The following NKIRAS1 variants were observed in gnomAD, a reference collection of about 807,000 sequenced individuals.
The protein encoded by NKIRAS1 is NF-kappa-B inhibitor-interacting Ras-like protein 1.
NKIRAS1 carries 16 observed loss-of-function variants against 19.8 expected under a neutral mutation model. The ratio of observed to expected loss-of-function variants is 0.81; its 90% confidence interval spans 0.55 to 1.23. The LOEUF (loss-of-function observed/expected upper bound fraction) is 1.23, where lower values mean the gene tolerates loss of function less well. NKIRAS1 is among the 50% of genes most tolerant of loss of function. NKIRAS1 has a pLI of 0.00. For synonymous variants in NKIRAS1, 88 were observed against 79.0 expected (o/e 1.11, Z -0.61); for missense variants, 184 against 220.0 (o/e 0.84, Z 1.04).
rs1701389678 is a variant in NKIRAS1 at position 23,890,670 on chromosome 3, A to G, written c.*2425T>C. ...AGAAGAGAGCTGCTTATGATTTTGA[A>G]GGGGTCAGGGAGGGTGGGAGTTGGT... On this transcript the variant is annotated 3_prime_UTR_variant, in exon 5 of 5. Transcript: ENST00000425478. 4.1e-6 allele frequency: 4 copies of G among 966,400 alleles called. No individual in the cohort carries two copies. The highest frequency in any genetic ancestry group is 3.1e-6 in the Non-Finnish European group (2 of 650,676). The allele number at this position is 966,400 out of a possible 1,614,324, so 59.9% of individuals were successfully genotyped here.
chr3:23,943,176 C>T (rs1705539677), intron 1 of NKIRAS1, among the ~76,000 whole-genome samples: 1 of 152,192 alleles, frequency 6.6e-6, no homozygotes, highest in Admixed American at 6.5e-5. Flanking sequence ...TCTATTCATC[C>T]CTCCTTCCCC....
upstream of NKIRAS1, chr3:23,918,966 G>A (rs565248967): frequency 3.7e-5 from 21 of 569,642 alleles, no homozygotes; most frequent in Non-Finnish European, 5.6e-5. Flanking sequence ...CCCTAGTCAG[G>A]AATGGAGTAT....
chr3:23,908,561 T>C (rs1703305315), intron 3 of NKIRAS1, among the ~76,000 whole-genome samples: 1 of 151,880 alleles, frequency 6.6e-6, no homozygotes, highest in Non-Finnish European at 1.5e-5. Context: ...AAAAAGTAAA[T>C]CAATGCCACC....
chr3:23,941,430 T>C (rs2125271810), intron 1 of NKIRAS1, among the ~76,000 whole-genome samples: 1 of 152,324 alleles, frequency 6.6e-6, no homozygotes, highest in Middle Eastern at 3.4e-3. Flanking sequence ...TCCTAGAAAG[T>C]AATTTGCATT....
chr3:23,940,064 C>T (rs891744468), intron 1 of NKIRAS1, among the ~76,000 whole-genome samples: 1 of 150,104 alleles, frequency 6.7e-6, no homozygotes, highest in Non-Finnish European at 1.5e-5. Context: ...GGTGCGTAGG[C>T]TCACACCTGT....
chr3:23,915,946 A>G (rs1704333331), intron 1 of NKIRAS1: 1 of 152,080 alleles, frequency 6.6e-6, no homozygotes, highest in Admixed American at 6.6e-5. Context: ...AACCCAAAAC[A>G]CAGCTTACTT....
At chr3:23,912,817 T>A (rs1703897267) in intron 1 of NKIRAS1, among the ~76,000 whole-genome samples, 1 of 151,884 alleles carries the variant, frequency 6.6e-6, no homozygotes, top group African/African-American at 2.4e-5. Context: ...ATAGACTGGA[T>A]TAAGAAAATA....
In NKIRAS1 at chr3:23,890,628, CATT is replaced by C. The variant is rs1559497979; in HGVS notation, c.*2464_*2466del. 2.5e-6 allele frequency: 4 copies of C among 1,588,178 alleles called. No homozygotes were observed. The African/African-American group carries it at 5.4e-5, about 21-fold the overall frequency. ...ATAAATTGGGGTTTCACAATTCTTA[CATT>C]ATTTGTCTGTCACAGAAGAGAGCTG... On this transcript the variant is annotated 3_prime_UTR_variant, in exon 5 of 5. Coordinates refer to ENST00000425478, the MANE Select transcript of NKIRAS1 (RefSeq NM_020345.4).
At chr3:23,929,178 G>A (rs1359854535) in intron 1 of NKIRAS1, among the ~76,000 whole-genome samples, 2 of 151,650 alleles carry the variant, frequency 1.3e-5, no homozygotes, top group Non-Finnish European at 2.9e-5. Context: ...CCCGGTCAAC[G>A]TGGTAAAACC....
chr3:23,929,207 C>CA (rs1193798077), intron 1 of NKIRAS1, among the ~76,000 whole-genome samples: 1 of 150,674 alleles, frequency 6.6e-6, no homozygotes, highest in Non-Finnish European at 1.5e-5. Flanking sequence ...ACTAAAAGTA[C>CA]AAAAAAATTA....
chr3:23,913,974 G>C (rs1704032268), intron 1 of NKIRAS1, among the ~76,000 whole-genome samples: 1 of 152,182 alleles, frequency 6.6e-6, no homozygotes, highest in African/African-American at 2.4e-5. Context: ...ACAGCTACTT[G>C]TCACATCCCT....
At chr3:23,939,879 T>C (rs1279155967) in intron 1 of NKIRAS1, among the ~76,000 whole-genome samples, 1 of 152,186 alleles carries the variant, frequency 6.6e-6, no homozygotes, top group Non-Finnish European at 1.5e-5. Context: ...ACTCCTAGAA[T>C]AATAATTTAT....
In NKIRAS1 at chr3:23,890,191, C is replaced by T. The variant is rs765888954; in HGVS notation, c.*2904G>A. 3.9e-5 allele frequency among the ~76,000 whole-genome samples: 6 copies of T among 152,106 alleles called. No individual in the cohort carries two copies. The highest frequency in any genetic ancestry group is 7.4e-5 in the Non-Finnish European group (5 of 68,020). On this transcript the variant is annotated 3_prime_UTR_variant, in exon 5 of 5. Transcript: ENST00000425478. ...GTTCATTGCAGTCTGAAGCCTTGAC[C>T]GTTCCAGTCTCTACTGAACTCAGCC... is the stretch of plus-strand genomic sequence containing the variant.
chr3:23,908,348 G>A (rs9836970), intron 3 of NKIRAS1, among the ~76,000 whole-genome samples: 31,989 of 151,954 alleles, frequency 0.21, 3,375 homozygotes, highest in African/African-American at 0.23. Flanking sequence ...AAGTTTTAGT[G>A]AAATACCAAA....
chr3:23,929,609 T>C (rs1215767674), intron 1 of NKIRAS1, among the ~76,000 whole-genome samples: 2 of 151,738 alleles, frequency 1.3e-5, no homozygotes, highest in African/African-American at 4.8e-5. Context: ...TTTGTTGTTG[T>C]TGTTTTTGTT....
At chr3:23,936,082 C>CAAAAAAAA (rs35945213) in intron 1 of NKIRAS1, among the ~76,000 whole-genome samples, 14 of 63,902 alleles carry the variant, frequency 2.2e-4, no homozygotes, top group African/African-American at 5.2e-4. Flanking sequence ...GACCCTGTCT[C>CAAAAAAAA]AAAAAAAAAA....
intron 4 of NKIRAS1, among the ~76,000 whole-genome samples, chr3:23,896,636 T>TAGCC (rs1702024977): frequency 6.6e-6 from 1 of 151,490 alleles, no homozygotes; most frequent in Non-Finnish European, 1.5e-5. Context: ...GATACATCTA[T>TAGCC]AGCCACAGGA....
chr3:23,945,753 C>T (rs906555982), intron 1 of NKIRAS1, among the ~76,000 whole-genome samples: 3 of 150,282 alleles, frequency 2.0e-5, no homozygotes, highest in African/African-American at 7.3e-5. Context: ...TCCCATCGCC[C>T]CCCGGGCCGC....
chr3:23,919,507 G>T (rs781162815), upstream of NKIRAS1: 7 of 1,553,524 alleles, frequency 4.5e-6, no homozygotes, highest in South Asian at 7.0e-5. Flanking sequence ...GCTAATATAA[G>T]TAAAGTTTGT....
Sources: gnomAD v4.1 joint callset for allele counts (sites outside exome capture counted in the v4.1 genomes callset) on GRCh38, gnomAD v4.1.1 for gene constraint, MANE v1.5 for transcripts, NCBI Gene and HGNC (gene_info 2026-07-23, HGNC 2026-07-21) for gene names.